The following ZNRF2 variants were observed in gnomAD, a reference collection of about 807,000 sequenced individuals.
ZNRF2 encodes the protein zinc and ring finger 2, also known as E3 ubiquitin-protein ligase ZNRF2.
Under a neutral mutation model 20.4 loss-of-function variants are expected in ZNRF2, and 16 were observed. The ratio of observed to expected loss-of-function variants is 0.79; its 90% CI spans 0.53 to 1.19. The LOEUF (loss-of-function observed/expected upper bound fraction) is 1.19. Among genes scored for constraint, ZNRF2 ranks in the 50% most tolerant of loss-of-function variants. The probability of loss-of-function intolerance (pLI) is 0.00; values close to 1 mark genes in which losing one functional copy is unlikely to be tolerated. For missense variants in ZNRF2, 363 were observed against 332.4 expected, an observed-to-expected ratio of 1.09 and a Z score of -0.72; for synonymous variants, 178 against 144.9, an observed-to-expected ratio of 1.23 and a Z score of -1.64.
At chr7:30,345,511 A>G (rs1799863233) in intron 2 of ZNRF2, among the ~76,000 whole-genome samples, 1 of 151,922 alleles carries the variant, frequency 6.6e-6, no homozygotes. Flanking sequence ...TATTTTAACT[A>G]GTAAATTTGG....
chr7:30,303,153 C>G (rs1035046863), intron 1 of ZNRF2, among the ~76,000 whole-genome samples: 2 of 151,512 alleles, frequency 1.3e-5, no homozygotes, highest in African/African-American at 4.9e-5. Context: ...CGTGGTAGTG[C>G]GCACCTGTAG....
At position 30,332,223 on chromosome 7, in the gene ZNRF2, G is replaced by A. The variant is rs73687803; in HGVS notation, c.565+8486G>A. The stretch of plus-strand genomic sequence containing the variant: ...GTACCTGTCTTCATAGAGTTACTGT[G>A]AAAATCAAATGAGAAATCACGCATA... On this transcript the variant is annotated intron_variant, in intron 2 of 4. Transcript: ENST00000323037. Among the ~76,000 whole-genome samples, 1,491 of 152,246 alleles carry A rather than the reference G, an allele frequency of 9.8e-3. 21 individuals carry two copies. Among genetic ancestry groups the A allele is most frequent in the African/African-American group, 0.033 (1,366 of 41,534 alleles).
intron 2 of ZNRF2, among the ~76,000 whole-genome samples, chr7:30,353,403 G>A (rs1170302281): frequency 6.6e-6 from 1 of 151,980 alleles, no homozygotes; most frequent in Non-Finnish European, 1.5e-5. Flanking sequence ...GTACAGTTCT[G>A]ATTATTTTTT....
intron 1 of ZNRF2, among the ~76,000 whole-genome samples, chr7:30,295,017 GAGAGAGA>G (rs1798988039): frequency 1.6e-5 from 1 of 61,226 alleles, no homozygotes; most frequent in African/African-American, 6.8e-5. Context: ...GAGGGAAGGA[GAGAGAGA>G]GAGAGAGAGA....
intron 1 of ZNRF2, among the ~76,000 whole-genome samples, chr7:30,309,973 G>A (rs1388062124): frequency 2.0e-5 from 3 of 152,188 alleles, no homozygotes; most frequent in African/African-American, 7.2e-5. Context: ...GAGTGATCAG[G>A]TCTGGTTGGT....
intron 1 of ZNRF2, among the ~76,000 whole-genome samples, chr7:30,315,861 A>G (rs1400714776): frequency 2.6e-5 from 4 of 152,070 alleles, no homozygotes; most frequent in East Asian, 1.9e-4. Flanking sequence ...CATTCATTCA[A>G]ATATTTGAGT....
chr7:30,289,719 A>C (rs1185962484), intron 1 of ZNRF2: 1 of 514,420 alleles, frequency 1.9e-6, no homozygotes, highest in Non-Finnish European at 4.0e-6. Context: ...TCTTGACTGC[A>C]AGGTGGGGAG....
At chr7:30,351,193 A>C (rs1283088073) in intron 2 of ZNRF2, among the ~76,000 whole-genome samples, 1 of 151,978 alleles carries the variant, frequency 6.6e-6, no homozygotes, top group East Asian at 1.9e-4. Flanking sequence ...TGTAAGTGAA[A>C]TATCAAGTAA....
At chr7:30,359,005 T>A (rs2127957310) in intron 3 of ZNRF2, among the ~76,000 whole-genome samples, 1 of 152,316 alleles carries the variant, frequency 6.6e-6, no homozygotes, top group East Asian at 1.9e-4. Flanking sequence ...AAAAATTGAT[T>A]TGCCAGAGAC....
At position 30,367,324 on chromosome 7, in the gene ZNRF2, G is replaced by A. The variant is rs1182829144; in HGVS notation, c.*1312G>A. The A allele has an allele frequency of 6.6e-6, 1 of 152,280 alleles. No individual in the cohort carries two copies. Among genetic ancestry groups the A allele is most frequent in the Non-Finnish European group, 1.5e-5 (1 of 67,846 alleles). The allele number at this position is 152,280 out of a possible 1,614,324, so 9.4% of individuals were successfully genotyped here. The stretch of plus-strand genomic sequence containing the variant: ...ATACATCTGAATGGTTAAAAATACT[G>A]GAAGAGTTGTCAGGGCTACAATAGT... On this transcript the variant is annotated 3_prime_UTR_variant, in exon 5 of 5. Transcript: ENST00000323037.
intron 3 of ZNRF2, among the ~76,000 whole-genome samples, chr7:30,359,735 C>G (rs149476247): frequency 4.5e-4 from 69 of 152,256 alleles, no homozygotes; most frequent in African/African-American, 1.6e-3. Context: ...AATCCTCTTT[C>G]TGTAAGGCTA....
At chr7:30,321,166 C>G (rs1000254714) in intron 1 of ZNRF2, among the ~76,000 whole-genome samples, 5 of 152,104 alleles carry the variant, frequency 3.3e-5, no homozygotes, top group Non-Finnish European at 7.4e-5. Context: ...TTCTCATGCT[C>G]TAGTGGGGGT....
At chr7:30,338,338 A>T (rs2127951261) in intron 2 of ZNRF2, among the ~76,000 whole-genome samples, 1 of 151,484 alleles carries the variant, frequency 6.6e-6, no homozygotes, top group Non-Finnish European at 1.5e-5. Context: ...TTTGTTACAT[A>T]GGTATACATG....
chr7:30,300,299 C>T (rs1283235861), intron 1 of ZNRF2, among the ~76,000 whole-genome samples: 1 of 151,780 alleles, frequency 6.6e-6, no homozygotes, highest in Non-Finnish European at 1.5e-5. Context: ...CAGGTGCACG[C>T]CACCACGCCT....
chr7:30,320,008 A>G (rs1241243134), intron 1 of ZNRF2, among the ~76,000 whole-genome samples: 4 of 152,170 alleles, frequency 2.6e-5, no homozygotes, highest in Admixed American at 2.0e-4. Context: ...TTTAAATAGA[A>G]TCGTGCATGT....
intron 2 of ZNRF2, among the ~76,000 whole-genome samples, chr7:30,353,475 C>T (rs1201434608): frequency 3.9e-5 from 6 of 152,064 alleles, no homozygotes; most frequent in Non-Finnish European, 8.8e-5. Flanking sequence ...CTGAATTACA[C>T]TAAAAAGATT....
chr7:30,301,700 TAAAAAA>T (rs61418583), intron 1 of ZNRF2, among the ~76,000 whole-genome samples: 3 of 115,700 alleles, frequency 2.6e-5, no homozygotes, highest in Admixed American at 9.2e-5. Flanking sequence ...AGGCTTTTTT[TAAAAAA>T]AAAAAAAAAA....
At chr7:30,286,143 G>T (rs1486870601) in intron 1 of ZNRF2, among the ~76,000 whole-genome samples, 2 of 152,240 alleles carry the variant, frequency 1.3e-5, no homozygotes, top group African/African-American at 4.8e-5. Flanking sequence ...CGACGAAACA[G>T]CCCTTGTGGT....
At chr7:30,334,756 G>A (rs1799691089) in intron 2 of ZNRF2, among the ~76,000 whole-genome samples, 1 of 152,126 alleles carries the variant, frequency 6.6e-6, no homozygotes, top group Non-Finnish European at 1.5e-5. Flanking sequence ...GCTATCATAT[G>A]TGGCAACTTA....
Sources: allele counts gnomAD v4.1 joint callset (sites outside exome capture counted in the v4.1 genomes callset), GRCh38; gene constraint gnomAD v4.1.1; transcripts MANE v1.5; gene names NCBI Gene and HGNC (gene_info 2026-07-23, HGNC 2026-07-21).